SCEL: variants seen among roughly 807,000 people sequenced by gnomAD.
The protein encoded by SCEL is sciellin.
A neutral mutation model predicts 117.6 loss-of-function variants in SCEL; 113 were observed. The observed-to-expected ratio is 0.96, with a 90% CI of 0.83 to 1.12. SCEL has a LOEUF of 1.12. Ranked by LOEUF, SCEL falls within the 50% of genes most tolerant of loss-of-function variation. The pLI is 0.00. For missense variants in SCEL, 785 were observed against 810.8 expected (o/e 0.97, Z 0.39); for synonymous variants, 270 against 256.2 (o/e 1.05, Z -0.51).
intron 27 of SCEL, chr13:77,623,618 C>T (rs2089546473): frequency 1.3e-5 from 2 of 152,184 alleles, no homozygotes; most frequent in South Asian, 4.1e-4. Context: ...TCTTTGAAGG[C>T]ACGCATAGGT....
At chr13:77,569,920 A>G (rs2085498885) in intron 8 of SCEL, among the ~76,000 whole-genome samples, 1 of 152,152 alleles carries the variant, frequency 6.6e-6, no homozygotes. Flanking sequence ...CCTCCTCTGC[A>G]TGGTCTCCCA....
chr13:77,603,855 A>G (rs1217751309), intron 18 of SCEL, among the ~76,000 whole-genome samples: 3 of 152,204 alleles, frequency 2.0e-5, no homozygotes, highest in Non-Finnish European at 4.4e-5. Flanking sequence ...AGCTGAGTTT[A>G]TATGAAAGCA....
intron 27 of SCEL, among the ~76,000 whole-genome samples, chr13:77,621,499 G>A (rs1324930516): frequency 1.3e-5 from 2 of 152,172 alleles, no homozygotes; most frequent in African/African-American, 4.8e-5. Flanking sequence ...TGCATCAGAT[G>A]CTTCTTCTAG....
rs1305089731 is a variant in SCEL at position 77,591,461 on chromosome 13, G to T, written c.692+1G>T. ...ACAGATCTGCTGAAAGAAATATAAG[G>T]TACACTGATTTCTATTTATATCTAT... is the stretch of plus-strand genomic sequence containing the variant. On this transcript the variant is annotated splice_donor_variant, in intron 11 of 32. Coordinates refer to ENST00000349847, the MANE Select transcript of SCEL (RefSeq NM_144777.3). LOFTEE classifies it high-confidence loss of function. 6.6e-7 allele frequency: 1 copy of T among 1,513,768 alleles called. No individual in the cohort carries two copies. Among genetic ancestry groups the T allele is most frequent in the African/African-American group, 1.4e-5 (1 of 72,842 alleles). The allele number at this position is 1,513,768 out of a possible 1,614,324, so 93.8% of individuals were successfully genotyped here.
At position 77,569,597 on chromosome 13, in the gene SCEL, A is replaced by C. The variant is rs1177262431; in HGVS notation, c.479+146A>C. On this transcript the variant is annotated intron_variant, in intron 8 of 32. Coordinates refer to ENST00000349847, the MANE Select transcript of SCEL (RefSeq NM_144777.3). The stretch of plus-strand genomic sequence containing the variant: ...TCTTTCCCCCAGCAATCTCTTTCTC[A>C]AATATAGAGTCTTGTTTTCAATTCC... 6 of 594,156 alleles carry C rather than the reference A, an allele frequency of 1.0e-5. No homozygotes were observed. In the Admixed American group the frequency reaches 1.9e-4, roughly 19 times the overall value. The allele number at this position is 594,156 out of a possible 1,614,324, so 36.8% of individuals were successfully genotyped here. A position where few individuals can be genotyped will look rare whatever the true frequency, so the allele number is the denominator to read the frequency against.
intron 9 of SCEL, among the ~76,000 whole-genome samples, chr13:77,582,479 C>T (rs997812408): frequency 7.9e-5 from 12 of 152,122 alleles, no homozygotes; most frequent in East Asian, 1.9e-4. Context: ...CCTCCTGCCT[C>T]GGCCTCCGAA....
At chr13:77,617,707 A>T in intron 25 of SCEL, 49 bp downstream of exon 25, 1 of 1,482,574 alleles carries the variant, frequency 6.7e-7, no homozygotes, top group South Asian at 1.2e-5. Context: ...AAGAATATTA[A>T]GTTTTATTAT....
chr13:77,586,792 T>G (rs73227365), intron 9 of SCEL, among the ~76,000 whole-genome samples: 20,293 of 152,216 alleles, frequency 0.13, 1,437 homozygotes, highest in Non-Finnish European at 0.15. Flanking sequence ...AGACTTTCCC[T>G]TTCAGATTCC....
At chr13:77,610,243 G>A (rs972838025) in intron 22 of SCEL, 137 bp downstream of exon 22, 5 of 481,786 alleles carry the variant, frequency 1.0e-5, no homozygotes, top group Admixed American at 3.4e-5. Context: ...ACAAGGTCAG[G>A]AGATGGAGAC....
At chr13:77,643,993 T>C (rs2090683442) in intron 32 of SCEL, among the ~76,000 whole-genome samples, 1 of 152,134 alleles carries the variant, frequency 6.6e-6, no homozygotes, top group Non-Finnish European at 1.5e-5. Flanking sequence ...TTCCTCCCTA[T>C]ATGTACTCCC....
chr13:77,642,869 T>C, intron 32 of SCEL, 61 bp downstream of exon 32: 6 of 832,716 alleles, frequency 7.2e-6, no homozygotes, highest in Non-Finnish European at 1.1e-5. Context: ...TTTGGTATCA[T>C]TTAAAATGAT....
chr13:77,588,698 C>T (rs905156428), intron 9 of SCEL, among the ~76,000 whole-genome samples: 8 of 152,170 alleles, frequency 5.3e-5, no homozygotes, highest in Non-Finnish European at 1.2e-4. Flanking sequence ...ATCAATGCTA[C>T]CTTGAGGTCT....
intron 1 of SCEL, among the ~76,000 whole-genome samples, chr13:77,546,945 G>A (rs964245230): frequency 3.3e-5 from 5 of 152,216 alleles, no homozygotes; most frequent in African/African-American, 4.8e-5. Context: ...GAGTGGGGGA[G>A]CACAAAAGGA....
intron 12 of SCEL, among the ~76,000 whole-genome samples, chr13:77,595,897 A>T (rs1280610337): frequency 6.6e-6 from 1 of 152,200 alleles, no homozygotes; most frequent in African/African-American, 2.4e-5. Flanking sequence ...CTCTAAGAGG[A>T]CTACCCTCAG....
chr13:77,635,708 G>A (rs1377126685), intron 29 of SCEL, among the ~76,000 whole-genome samples: 1 of 152,078 alleles, frequency 6.6e-6, no homozygotes, highest in Admixed American at 6.6e-5. Context: ...CAAGACTAAA[G>A]CATACTTATT....
chr13:77,590,317 T>A (rs17068001), intron 10 of SCEL, among the ~76,000 whole-genome samples: 3,741 of 152,246 alleles, frequency 0.025, 152 homozygotes, highest in East Asian at 0.13. Context: ...CATAATTTTT[T>A]AAATTGAGTC....
chr13:77,559,201 A>G (rs1237928811), intron 3 of SCEL, among the ~76,000 whole-genome samples: 2 of 152,190 alleles, frequency 1.3e-5, no homozygotes, highest in African/African-American at 4.8e-5. Flanking sequence ...TGTGAACTGG[A>G]TATGACAGTG....
intron 1 of SCEL, among the ~76,000 whole-genome samples, chr13:77,552,152 C>T (rs1444801195): frequency 6.6e-6 from 1 of 151,998 alleles, no homozygotes; most frequent in East Asian, 1.9e-4. Flanking sequence ...CCGCCATAAA[C>T]ATACGTGTGC....
At chr13:77,616,265 T>C (rs2089031265) in intron 24 of SCEL, among the ~76,000 whole-genome samples, 1 of 152,084 alleles carries the variant, frequency 6.6e-6, no homozygotes. Context: ...CACTAACCAA[T>C]ATTGTGATTA....
Sources: allele counts gnomAD v4.1 joint callset (sites outside exome capture counted in the v4.1 genomes callset), GRCh38; gene constraint gnomAD v4.1.1; transcripts MANE v1.5; gene names NCBI Gene and HGNC (gene_info 2026-07-23, HGNC 2026-07-21).